Variants in ARHGEF3 observed in about 807,000 individuals in gnomAD.
The protein encoded by ARHGEF3 is 59.8 kDA protein.
A neutral mutation model predicts 63.2 loss-of-function variants in ARHGEF3; 28 were observed. The ratio of observed to expected loss-of-function variants is 0.44; its 90% CI spans 0.33 to 0.61. The LOEUF is 0.61. Among genes scored for constraint, ARHGEF3 ranks in the 20% least tolerant of loss-of-function variants. The pLI, the probability that ARHGEF3 is intolerant of heterozygous loss-of-function variation, is 0.03. For missense variants in ARHGEF3, 533 were observed against 659.3 expected, an observed-to-expected ratio of 0.81 and a Z score of 2.10; for synonymous variants, 266 against 254.2, an observed-to-expected ratio of 1.05 and a Z score of -0.44.
chr3:56,745,740 C>T (rs758861127), intron 6 of ARHGEF3, among the ~76,000 whole-genome samples: 17 of 152,048 alleles, frequency 1.1e-4, no homozygotes, highest in Non-Finnish European at 2.1e-4. Context: ...GGCACTATCT[C>T]GGCTCACTGC....
chr3:56,738,787 T>C (rs968534186), intron 7 of ARHGEF3, among the ~76,000 whole-genome samples: 6 of 152,062 alleles, frequency 3.9e-5, no homozygotes, highest in African/African-American at 1.2e-4. Flanking sequence ...AGAAATTAGT[T>C]GAGGAAAACT....
At chr3:57,044,186 G>A (rs1704348404) in intron 1 of ARHGEF3, among the ~76,000 whole-genome samples, 1 of 152,214 alleles carries the variant, frequency 6.6e-6, no homozygotes, top group African/African-American at 2.4e-5. Flanking sequence ...TGCAATACTT[G>A]TTGAACAAAT....
intron 4 of ARHGEF3, among the ~76,000 whole-genome samples, chr3:56,880,800 A>G (rs996790327): frequency 1.3e-5 from 2 of 152,252 alleles, no homozygotes; most frequent in African/African-American, 2.4e-5. Context: ...TCACTTGTCA[A>G]TAACAAAATA....
chr3:56,882,267 T>A, intron 4 of ARHGEF3: 1 of 1,543,898 alleles, frequency 6.5e-7, no homozygotes, highest in Middle Eastern at 1.7e-4. Flanking sequence ...TCGGTGCCAG[T>A]GGGGGAAGAA....
rs529838213 is a variant in ARHGEF3, at chr3:56,926,999, G to A, written c.129+31824C>T. 1.4e-4 allele frequency among the ~76,000 whole-genome samples: 21 copies of A among 152,316 alleles called. 1 individual carries two copies. The South Asian group carries it at 4.3e-3, about 32-fold the overall frequency. On this transcript the variant is annotated intron_variant, in intron 3 of 12. Coordinates refer to the ARHGEF3 transcript ENST00000338458. ...GAAATGCCAAGCCAGCCGGGGTGGT[G>A]AGGGCATAGCAACCAGAACACAGAC... is the stretch of plus-strand genomic sequence containing the variant.
chr3:56,985,387 C>A (rs978046967), intron 2 of ARHGEF3, among the ~76,000 whole-genome samples: 1 of 152,260 alleles, frequency 6.6e-6, no homozygotes, highest in African/African-American at 2.4e-5. Context: ...CCGCGCCCAG[C>A]CTTTAAAACA....
At chr3:56,957,678 G>A (rs1475251223) in intron 3 of ARHGEF3, among the ~76,000 whole-genome samples, 1 of 152,200 alleles carries the variant, frequency 6.6e-6, no homozygotes, top group African/African-American at 2.4e-5. Flanking sequence ...GGGTGGTCAT[G>A]AGGGCTTCTT....
intron 6 of ARHGEF3, among the ~76,000 whole-genome samples, chr3:56,746,729 C>CA (rs756092262): frequency 1.6e-3 from 228 of 141,176 alleles, no homozygotes; most frequent in Middle Eastern, 7.4e-3. Context: ...GACTCTGTCT[C>CA]AAAAAAAAAA....
At chr3:56,934,953 T>A (rs2042518793) in intron 3 of ARHGEF3, among the ~76,000 whole-genome samples, 1 of 151,894 alleles carries the variant, frequency 6.6e-6, no homozygotes, top group Non-Finnish European at 1.5e-5. Context: ...AGGTGGAGAG[T>A]CTTTATGTCT....
rs187585533 is a variant in ARHGEF3, at chr3:57,008,685, C to T, written c.62+26403G>A. Among the ~76,000 whole-genome samples, 45 of 152,090 alleles carry T rather than the reference C, an allele frequency of 3.0e-4. 2 individuals are homozygous for T. In the East Asian group the frequency reaches 8.5e-3, roughly 29 times the overall value. The stretch of plus-strand genomic sequence containing the variant: ...CGGGGTTTCTCCATGTTGGCCAGGC[C>T]GGTCTTGAACTCCTGGCCTCATCTG... On this transcript the variant is annotated intron_variant, in intron 2 of 12. Coordinates refer to the ARHGEF3 transcript ENST00000338458.
chr3:56,937,786 CAG>C lies in ARHGEF3; in HGVS notation c.129+21035_129+21036del, dbSNP rs1459793291. ...CCAATAGGATAGACAGAGGAAATGA[CAG>C]AGTCACTCATCTAACTTGTGCTGAG... On this transcript the variant is annotated intron_variant, in intron 3 of 12. Coordinates refer to the ARHGEF3 transcript ENST00000338458. Among the ~76,000 whole-genome samples the C allele has an allele frequency of 2.6e-5, 4 of 152,342 alleles. No individual in the cohort carries two copies. The East Asian group carries it at 5.8e-4, about 22-fold the overall frequency.
chr3:56,754,085 C>T (rs2034925137), intron 3 of ARHGEF3, among the ~76,000 whole-genome samples: 2 of 152,194 alleles, frequency 1.3e-5, no homozygotes, highest in Admixed American at 6.5e-5. Context: ...AACATTTTAT[C>T]ACTCCAAATA....
rs202201133 is a variant in ARHGEF3, at chr3:56,750,925, A to AT, written c.612+130dup. On this transcript the variant is annotated intron_variant, in intron 6 of 9. Transcript: ENST00000296315. ...TAAATTTAATTAAAATTTTACTAGG[A>AT]TTTTTTTTTCTGATGTGAAACCAAC... The AT allele has an allele frequency of 2.8e-3, 1,616 of 574,656 alleles. 2 individuals are homozygous for AT. Among genetic ancestry groups the AT allele is most frequent in the African/African-American group, 8.5e-3 (432 of 50,768 alleles). The allele number at this position is 574,656 out of a possible 1,614,324, so 35.6% of individuals were successfully genotyped here.
At chr3:56,932,976 C>T (rs2042452605) in intron 3 of ARHGEF3, among the ~76,000 whole-genome samples, 1 of 152,168 alleles carries the variant, frequency 6.6e-6, no homozygotes, top group African/African-American at 2.4e-5. Flanking sequence ...GGAATGTAGT[C>T]ATTTGTTGCA....
At chr3:56,770,741 T>C (rs1236658821) in intron 2 of ARHGEF3, among the ~76,000 whole-genome samples, 2 of 152,200 alleles carry the variant, frequency 1.3e-5, no homozygotes, top group Non-Finnish European at 2.9e-5. Flanking sequence ...TCTCCATATC[T>C]ATGTACATTA....
chr3:56,918,691 A>T (rs938435831), intron 3 of ARHGEF3, among the ~76,000 whole-genome samples: 1 of 152,244 alleles, frequency 6.6e-6, no homozygotes, highest in African/African-American at 2.4e-5. Context: ...CTTCAAGAGG[A>T]GAATTTCAAT....
At chr3:56,954,185 TA>T (rs919144969) in intron 3 of ARHGEF3, among the ~76,000 whole-genome samples, 1 of 149,596 alleles carries the variant, frequency 6.7e-6, no homozygotes, top group African/African-American at 2.4e-5. Context: ...TTCTGGCACC[TA>T]AAACAATGCC....
chr3:56,990,948 A>C (rs1282350940), intron 2 of ARHGEF3, among the ~76,000 whole-genome samples: 1 of 152,116 alleles, frequency 6.6e-6, no homozygotes, highest in Non-Finnish European at 1.5e-5. Flanking sequence ...TTGCACAATG[A>C]ATTGCACACT....
At chr3:56,898,653 GA>G (rs1432128832) in intron 3 of ARHGEF3, 10 of 235,494 alleles carry the variant, frequency 4.2e-5, no homozygotes, top group South Asian at 7.5e-5. Context: ...TGGGGAGTGG[GA>G]AAATGAGACA....
Sources: allele counts gnomAD v4.1 joint callset (sites outside exome capture counted in the v4.1 genomes callset), GRCh38; gene constraint gnomAD v4.1.1; transcripts MANE v1.5; gene names NCBI Gene and HGNC (gene_info 2026-07-23, HGNC 2026-07-21).